The following TTC39C variants were observed in gnomAD, a reference collection of about 807,000 sequenced individuals.
The protein encoded by TTC39C is tetratricopeptide repeat domain 39C.
Under a neutral mutation model 76.3 loss-of-function variants are expected in TTC39C, and 33 were observed. The ratio of observed to expected loss-of-function variants is 0.43; its 90% CI spans 0.33 to 0.58. The LOEUF is 0.58. Among genes scored for constraint, TTC39C ranks in the 20% least tolerant of loss-of-function variants. The pLI is 0.04. For synonymous variants in TTC39C, 254 were observed against 260.6 expected (o/e 0.97, Z 0.24); for missense variants, 595 against 701.4 (o/e 0.85, Z 1.71).
chr18:24,118,135 C>T lies in TTC39C; in HGVS notation c.1089C>T (p.Ser363=). Reference sequence around the variant, plus strand: ...ATATTTCTTTCATAGGTTGGTGCAGCATGATAGAGCTCAATTTCAAGGATG... The same window carrying T: ...ATATTTCTTTCATAGGTTGGTGCAGTATGATAGAGCTCAATTTCAAGGATG... ...HVCLYEIGWC[S]MIELNFKDAF... The change falls in exon 8 of 14, where the codon AGC becomes AGT. Residue 363 remains serine, a synonymous_variant. Coordinates refer to ENST00000317571, the MANE Select transcript of TTC39C (RefSeq NM_001135993.2). The T allele has an allele frequency of 6.2e-7, 1 of 1,613,562 alleles. No homozygotes were observed. Among genetic ancestry groups the T allele is most frequent in the Non-Finnish European group, 8.5e-7 (1 of 1,179,736 alleles).
intron 6 of TTC39C, among the ~76,000 whole-genome samples, chr18:24,085,464 C>T (rs985678664): frequency 6.6e-5 from 10 of 152,282 alleles, no homozygotes; most frequent in Middle Eastern, 3.4e-3. Flanking sequence ...TCCCAAAAAT[C>T]TTACTTTGAC....
intron 6 of TTC39C, among the ~76,000 whole-genome samples, chr18:24,103,213 A>G (rs983818814): frequency 6.6e-6 from 1 of 152,260 alleles, no homozygotes; most frequent in African/African-American, 2.4e-5. Context: ...AATGTGGCGA[A>G]GTACAAAAGT....
At chr18:24,101,603 T>C (rs2084676884) in intron 6 of TTC39C, among the ~76,000 whole-genome samples, 1 of 152,126 alleles carries the variant, frequency 6.6e-6, no homozygotes, top group Non-Finnish European at 1.5e-5. Context: ...GTTGAACACC[T>C]TTTACAGAGA....
At chr18:24,065,015 G>T (rs1337829291) in intron 2 of TTC39C, among the ~76,000 whole-genome samples, 1 of 152,204 alleles carries the variant, frequency 6.6e-6, no homozygotes, top group Non-Finnish European at 1.5e-5. Flanking sequence ...CTGGGTGGCG[G>T]TTGTAACATT....
chr18:24,125,580 CTACTGGACACACTGGCTTCTT>C, intron 10 of TTC39C, 30 bp downstream of exon 10: 1 of 1,613,084 alleles, frequency 6.2e-7, no homozygotes, highest in African/African-American at 1.3e-5. Context: ...CCAAAACTGT[CTACTGGACACACTGGCTTCTT>C]CTGTCAGTGC....
chr18:24,014,597 G>T (rs900274964), upstream of TTC39C: 2 of 294,868 alleles, frequency 6.8e-6, no homozygotes, highest in Non-Finnish European at 1.2e-5. Context: ...GCGCGAGTTG[G>T]GTGCTTCGGA....
intron 1 of TTC39C, among the ~76,000 whole-genome samples, chr18:24,023,126 G>A (rs1404768268): frequency 2.0e-5 from 3 of 152,200 alleles, no homozygotes; most frequent in Non-Finnish European, 4.4e-5. Context: ...CAGTCAGCAA[G>A]TGCAGCCCAG....
intron 12 of TTC39C, among the ~76,000 whole-genome samples, chr18:24,131,134 T>C (rs2085123969): frequency 6.9e-6 from 1 of 145,592 alleles, no homozygotes. Context: ...AGAGGATCTC[T>C]GGAGCTTGAG....
chr18:24,081,841 C>G (rs920931532), intron 5 of TTC39C, among the ~76,000 whole-genome samples: 2 of 151,988 alleles, frequency 1.3e-5, no homozygotes, highest in Non-Finnish European at 2.9e-5. Flanking sequence ...AACTTGTGAT[C>G]ATTTGTCTGT....
In TTC39C at chr18:24,135,454, TTGACTGAAGTC is replaced by T. The variant is rs956862090; in HGVS notation, c.*2884_*2894del. The stretch of plus-strand genomic sequence containing the variant: ...AGTGTGAGTACACTGTCCCATTAGG[TTGACTGAAGTC>T]TGAGTACATTTTCTGGCCTGCGTGC... On this transcript the variant is annotated 3_prime_UTR_variant, in exon 14 of 14. Coordinates refer to ENST00000317571, the MANE Select transcript of TTC39C (RefSeq NM_001135993.2). 6.5e-6 allele frequency: 1 copy of T among 153,244 alleles called. No individual in the cohort carries two copies. The highest frequency in any genetic ancestry group is 2.4e-5 in the African/African-American group (1 of 41,456). The allele number at this position is 153,244 out of a possible 1,614,324, so 9.5% of individuals were successfully genotyped here. A position where few individuals can be genotyped will look rare whatever the true frequency, so the allele number is the denominator to read the frequency against.
chr18:24,014,031 G>A (rs2083414021), upstream of TTC39C, among the ~76,000 whole-genome samples: 3 of 152,362 alleles, frequency 2.0e-5, no homozygotes, highest in South Asian at 6.2e-4. Flanking sequence ...TGTTGGTGGC[G>A]GGCTGGAGTG....
At chr18:24,118,362 A>G (rs2084922693) in intron 8 of TTC39C, 130 bp downstream of exon 8, 2 of 646,292 alleles carry the variant, frequency 3.1e-6, no homozygotes, top group East Asian at 5.6e-5. Context: ...CCAGCATGTT[A>G]ATGTTTTGTG....
At chr18:24,072,796 G>T (rs925213744) in intron 4 of TTC39C, among the ~76,000 whole-genome samples, 3 of 152,154 alleles carry the variant, frequency 2.0e-5, no homozygotes, top group Non-Finnish European at 4.4e-5. Flanking sequence ...TTGCCACCTT[G>T]TTTGATTATA....
chr18:24,088,361 A>G (rs2084472074), intron 6 of TTC39C, among the ~76,000 whole-genome samples: 1 of 152,230 alleles, frequency 6.6e-6, no homozygotes, highest in Admixed American at 6.5e-5. Context: ...GTTAACATAC[A>G]CACAGACATA....
At chr18:24,107,888 A>AGC (rs1555776832) in intron 6 of TTC39C, among the ~76,000 whole-genome samples, 11 of 136,400 alleles carry the variant, frequency 8.1e-5, no homozygotes, top group African/African-American at 1.8e-4. Context: ...CCTCCCAAGT[A>AGC]GGGGGGGGGG....
intron 1 of TTC39C, among the ~76,000 whole-genome samples, chr18:24,002,900 G>A (rs1009413528): frequency 6.6e-6 from 1 of 152,164 alleles, no homozygotes; most frequent in African/African-American, 2.4e-5. Flanking sequence ...AAGTGCTCTG[G>A]TCTTCTGCAA....
At chr18:24,126,067 G>A (rs1345093202) in intron 10 of TTC39C, among the ~76,000 whole-genome samples, 1 of 152,060 alleles carries the variant, frequency 6.6e-6, no homozygotes, top group East Asian at 1.9e-4. Flanking sequence ...TGCACCTATA[G>A]TCCCAGCTAC....
chr18:24,048,816 T>A (rs1465647137), intron 1 of TTC39C, among the ~76,000 whole-genome samples: 1 of 152,238 alleles, frequency 6.6e-6, no homozygotes, highest in Admixed American at 6.5e-5. Flanking sequence ...CTAGAAGTTA[T>A]TTTTAGGCTG....
upstream of TTC39C, among the ~76,000 whole-genome samples, chr18:24,010,674 C>G (rs570709559): frequency 6.6e-6 from 1 of 152,180 alleles, no homozygotes; most frequent in Non-Finnish European, 1.5e-5. Flanking sequence ...TGACTGTTAG[C>G]ATCACTGAAA....
Sources: allele counts gnomAD v4.1 joint callset (sites outside exome capture counted in the v4.1 genomes callset), GRCh38; gene constraint gnomAD v4.1.1; transcripts MANE v1.5; gene names NCBI Gene and HGNC (gene_info 2026-07-23, HGNC 2026-07-21).